The following DNAH7 variants were observed in gnomAD, a reference collection of about 807,000 sequenced individuals.
The protein encoded by DNAH7 is axonemal beta dynein heavy chain 7.
DNAH7 carries 397 observed loss-of-function variants against 444.6 expected under a neutral mutation model. The ratio of observed to expected loss-of-function variants is 0.89; its 90% CI spans 0.82 to 0.97. The LOEUF is 0.97. Among genes scored for constraint, DNAH7 ranks in the 50% least tolerant of loss-of-function variants. The probability of loss-of-function intolerance (pLI) is 0.00; values close to 1 mark genes in which losing one functional copy is unlikely to be tolerated. For synonymous variants in DNAH7, 1,636 were observed against 1,624.4 expected (o/e 1.01, Z -0.17); for missense variants, 4,902 against 4,800.8 (o/e 1.02, Z -0.62).
intron 54 of DNAH7, among the ~76,000 whole-genome samples, chr2:195,804,936 A>G (rs938052003): frequency 2.0e-5 from 3 of 152,216 alleles, no homozygotes; most frequent in Admixed American, 2.0e-4. Context: ...TAGGCAAAGT[A>G]GCTGAAAGAA....
At chr2:196,016,855 A>G (rs1695050711) in intron 9 of DNAH7, among the ~76,000 whole-genome samples, 1 of 152,228 alleles carries the variant, frequency 6.6e-6, no homozygotes, top group African/African-American at 2.4e-5. Context: ...CAAAATTTAT[A>G]AAGAAATTCT....
intron 10 of DNAH7, among the ~76,000 whole-genome samples, chr2:196,009,084 G>A (rs993210411): frequency 1.3e-5 from 2 of 152,070 alleles, no homozygotes; most frequent in African/African-American, 4.8e-5. Flanking sequence ...TGAACTCAGA[G>A]CAAGAACTCA....
intron 2 of DNAH7, among the ~76,000 whole-genome samples, chr2:196,057,780 A>T (rs1322192609): frequency 6.6e-6 from 1 of 152,214 alleles, no homozygotes; most frequent in Non-Finnish European, 1.5e-5. Flanking sequence ...ACCGCATTAA[A>T]CTCAACATAC....
rs1324605091 is a variant in DNAH7, at chr2:195,857,487, T to C, written c.8304A>G (p.Ile2768Met). The C allele has an allele frequency of 6.2e-7, 1 of 1,613,682 alleles. No homozygotes were observed. Among genetic ancestry groups the C allele is most frequent in the Non-Finnish European group, 8.5e-7 (1 of 1,179,854 alleles). ...CTGGATTTGGAATATAATTTTTTCTTATGATATTCATATAAGCTGGAGGAA... is the reference window on the plus strand; with the variant it reads ...CTGGATTTGGAATATAATTTTTTCTCATGATATTCATATAAGCTGGAGGAA... ...DNIPPAYMNI[I>M]RKNYIPNPDF... The change falls in exon 44 of 65, where the codon ATA becomes ATG. Residue 2768 changes from isoleucine (I) to methionine (M), a missense_variant. By Grantham distance (10) the Ile-to-Met change is conservative (BLOSUM62 1). Coordinates refer to ENST00000312428, the MANE Select transcript of DNAH7 (RefSeq NM_018897.3).
intron 10 of DNAH7, among the ~76,000 whole-genome samples, chr2:196,008,453 A>T (rs751202343): frequency 1.3e-5 from 2 of 152,220 alleles, no homozygotes; most frequent in Non-Finnish European, 2.9e-5. Context: ...ACTTAAAAAT[A>T]TATTTATGCA....
chr2:195,828,172 T>C (rs909948675), intron 48 of DNAH7, among the ~76,000 whole-genome samples: 2 of 152,122 alleles, frequency 1.3e-5, no homozygotes, highest in African/African-American at 4.8e-5. Context: ...TAATTCACAG[T>C]TTTGTCAAGT....
chr2:195,877,961 T>A (rs1701155059), intron 36 of DNAH7, among the ~76,000 whole-genome samples: 1 of 152,238 alleles, frequency 6.6e-6, no homozygotes, highest in South Asian at 2.1e-4. Context: ...TATATTTTTG[T>A]GACTTTTATG....
At chr2:195,984,332 T>A (rs1244175896) in intron 15 of DNAH7, among the ~76,000 whole-genome samples, 1 of 152,150 alleles carries the variant, frequency 6.6e-6, no homozygotes, top group Non-Finnish European at 1.5e-5. Context: ...AAAGTCATTA[T>A]TATTTTTTAT....
At chr2:195,818,586 CCT>C (rs1383238550) in intron 49 of DNAH7, among the ~76,000 whole-genome samples, 5 of 152,142 alleles carry the variant, frequency 3.3e-5, no homozygotes, top group Non-Finnish European at 7.3e-5. Flanking sequence ...TATGGAATAA[CCT>C]CTCTTTGGGC....
intron 15 of DNAH7, among the ~76,000 whole-genome samples, chr2:195,974,755 TACACAC>T (rs58054572): frequency 0.014 from 1,996 of 143,394 alleles, 16 homozygotes; most frequent in East Asian, 0.027. Context: ...ATGTATATTT[TACACAC>T]ACACACACAC....
chr2:195,922,066 A>G, intron 24 of DNAH7, 22 bp downstream of exon 24: 3 of 1,376,572 alleles, frequency 2.2e-6, no homozygotes, highest in East Asian at 2.3e-5. Context: ...TTTCCAATAG[A>G]TCCTTAAATT....
At chr2:196,060,768 C>T (rs1698091479) in intron 1 of DNAH7, among the ~76,000 whole-genome samples, 1 of 152,158 alleles carries the variant, frequency 6.6e-6, no homozygotes, top group Non-Finnish European at 1.5e-5. Context: ...CTCCACAATG[C>T]CAAGTCCTGT....
At chr2:195,979,364 CT>C (rs1692409741) in intron 15 of DNAH7, among the ~76,000 whole-genome samples, 1 of 152,056 alleles carries the variant, frequency 6.6e-6, no homozygotes, top group Non-Finnish European at 1.5e-5. Context: ...CAATATGCTC[CT>C]GAATGATCAG....
intron 3 of DNAH7, among the ~76,000 whole-genome samples, chr2:196,050,307 A>C (rs1195416998): frequency 6.6e-6 from 1 of 152,142 alleles, no homozygotes; most frequent in Non-Finnish European, 1.5e-5. Flanking sequence ...ACATAGAGAC[A>C]AGAAGTAGAA....
chr2:195,771,827 T>G lies in DNAH7; in HGVS notation c.11266A>C (p.Ile3756Leu). The G allele has an allele frequency of 6.2e-7, 1 of 1,614,194 alleles. No individual in the cohort carries two copies. Among genetic ancestry groups the G allele is most frequent in the Non-Finnish European group, 8.5e-7 (1 of 1,180,026 alleles). ...AAGTTGTTTGGAAGTTTGCCCAAGA[T>G]GTCACTAGCGACCTCATTCACTACT... ...DEVVNEVASDILGKLPNNFDI... is the reference protein window; with the variant it reads ...DEVVNEVASDLLGKLPNNFDI... The change falls in exon 61 of 65, where the codon ATC becomes CTC. Residue 3756 changes from isoleucine (I) to leucine (L), a missense_variant. Transcript: ENST00000312428.
In DNAH7 at chr2:196,068,796, G is replaced by C; in HGVS notation, c.-85C>G. On this transcript the variant is annotated 5_prime_UTR_variant, in exon 1 of 65. Transcript: ENST00000312428. ...CTAGGACGATAGAGGCAGGGCCCCG[G>C]GACTTGCAGCGGTCTCAGCTCCCTC... The C allele has an allele frequency of 6.6e-7, 1 of 1,518,320 alleles. No homozygotes were observed. The highest frequency in any genetic ancestry group is 8.9e-7 in the Non-Finnish European group (1 of 1,124,844). The allele number at this position is 1,518,320 out of a possible 1,614,324, so 94.1% of individuals were successfully genotyped here.
Position 195,934,545 on chromosome 2 carries a change from C to A in DNAH7, c.3471+46G>T, listed in dbSNP as rs749838399. On this transcript the variant is annotated intron_variant, in intron 21 of 64. Transcript: ENST00000312428. ...TCAACAGAATATTTCTAATAACATT[C>A]ATATTCTAGCATCCTTTTCTAAAAA... is the stretch of plus-strand genomic sequence containing the variant. 1.6e-5 allele frequency: 25 copies of A among 1,544,924 alleles called. No homozygotes were observed. In the Admixed American group the frequency reaches 3.6e-4, roughly 22 times the overall value.
rs1688934475 is a variant in DNAH7 at position 195,934,730 on chromosome 2, G to C, written c.3332C>G (p.Thr1111Ser). The C allele has an allele frequency of 1.9e-6, 3 of 1,613,916 alleles. No homozygotes were observed. Among genetic ancestry groups the C allele is most frequent in the African/African-American group, 1.3e-5 (1 of 74,906 alleles). Residue 1111 changes from threonine to serine, a missense_variant, in exon 21 of 65, where the codon ACT becomes AGT. Thr to Ser is a moderately conservative substitution (Grantham distance 58). Transcript: ENST00000312428. ...EGIAKVEFTE[T>S]LDITHMKSSE... is the part of the protein sequence containing the mutation. ...GCTCTTCATGTGAGTAATGTCTAAA[G>C]TTTCCGTAAATTCTACCTTTGCGAT...
At chr2:195,880,994 GTTT>G (rs199868134) in intron 36 of DNAH7, among the ~76,000 whole-genome samples, 3 of 136,814 alleles carry the variant, frequency 2.2e-5, no homozygotes, top group African/African-American at 8.0e-5. Context: ...TACACTTTTA[GTTT>G]TTTTTTTTTT....
Sources: allele counts gnomAD v4.1 joint callset (sites outside exome capture counted in the v4.1 genomes callset), GRCh38; gene constraint gnomAD v4.1.1; transcripts MANE v1.5; gene names NCBI Gene and HGNC (gene_info 2026-07-23, HGNC 2026-07-21).